Variants in ASS1 observed in about 807,000 individuals in gnomAD.
ASS1 encodes the protein argininosuccinate synthase 1.
A neutral mutation model predicts 60.5 loss-of-function variants in ASS1; 58 were observed. The observed-to-expected ratio is 0.96, with a 90% CI of 0.78 to 1.19. ASS1 has a LOEUF of 1.19. ASS1 is among the 50% of genes most tolerant of loss of function. ASS1 has a pLI of 0.00. For synonymous variants in ASS1, 200 were observed against 206.9 expected, an observed-to-expected ratio of 0.97 and a Z score of 0.29; for missense variants, 454 against 547.3, an observed-to-expected ratio of 0.83 and a Z score of 1.70.
At chr9:130,466,691 C>T in intron 5 of ASS1, 34 bp from the exon 6 acceptor site, 1 of 1,603,648 alleles carries the variant, frequency 6.2e-7, no homozygotes, top group South Asian at 1.1e-5. Context: ...CACAGCTCGG[C>T]CCTCCCGGCT....
chr9:130,472,382 G>A (rs893198455), intron 8 of ASS1, among the ~76,000 whole-genome samples: 1 of 152,140 alleles, frequency 6.6e-6, no homozygotes, highest in Non-Finnish European at 1.5e-5. Flanking sequence ...CCCGCGTGCC[G>A]CCCCCTGGTC....
At chr9:130,448,415 T>TGTGCGC (rs1337471756) in intron 1 of ASS1, among the ~76,000 whole-genome samples, 15 of 135,578 alleles carry the variant, frequency 1.1e-4, no homozygotes, top group Non-Finnish European at 1.8e-4. Context: ...CACAGGTGTG[T>TGTGCGC]GCGCGCGCAC....
chr9:130,494,942 T>C lies in ASS1; in HGVS notation c.1046T>C (p.Val349Ala). ...AKSQERVEGK[V>A]QVSVLKGQVY... Reference sequence around the variant, plus strand: ...TCCCAGGAGCGAGTGGAAGGGAAAGTGCAGGTGTCCGTCCTCAAGGGCCAG... The same window carrying C: ...TCCCAGGAGCGAGTGGAAGGGAAAGCGCAGGTGTCCGTCCTCAAGGGCCAG... Residue 349 changes from valine (V) to alanine (A), a missense_variant, in exon 13 of 15, where the codon GTG becomes GCG. Coordinates refer to ENST00000352480, the MANE Select transcript of ASS1 (RefSeq NM_054012.4). The surrounding 1 kb of genome is among the most constrained non-coding windows in gnomAD (Gnocchi z 4.3). The C allele has an allele frequency of 6.2e-7, 1 of 1,613,540 alleles. No homozygotes were observed. The highest frequency in any genetic ancestry group is 8.5e-7 in the Non-Finnish European group (1 of 1,179,958).
At chr9:130,492,978 G>T (rs1351713729) in intron 12 of ASS1, among the ~76,000 whole-genome samples, 1 of 152,182 alleles carries the variant, frequency 6.6e-6, no homozygotes, top group Non-Finnish European at 1.5e-5. Context: ...CAGGCCAGTT[G>T]CTCCCACAGA....
intron 11 of ASS1, among the ~76,000 whole-genome samples, chr9:130,486,233 G>A (rs988564140): frequency 1.3e-5 from 2 of 152,112 alleles, no homozygotes; most frequent in Admixed American, 6.5e-5. Flanking sequence ...CTAGGACCAC[G>A]GGCACATGCC....
intron 1 of ASS1, 185 bp from the exon 2 acceptor site, chr9:130,452,039 G>A (rs1220470666): frequency 1.4e-6 from 1 of 692,184 alleles, no homozygotes; most frequent in Non-Finnish European, 2.6e-6. Context: ...TGCAGAGTGT[G>A]CGAGGTCAGG....
At position 130,473,818 on chromosome 9, in the gene ASS1, A is replaced by G. The variant is rs368223764; in HGVS notation, c.597+2303A>G. On this transcript the variant is annotated intron_variant, in intron 8 of 14. Transcript: ENST00000352480. ...CTAATGCGAAGAAAGATAGAAATTTACTTGCTTTAACTTCATACGGTCCAC... is the reference window on the plus strand; with the variant it reads ...CTAATGCGAAGAAAGATAGAAATTTGCTTGCTTTAACTTCATACGGTCCAC... 7.9e-5 allele frequency among the ~76,000 whole-genome samples: 12 copies of G among 152,240 alleles called. 1 individual carries two copies. The South Asian group carries it at 2.3e-3, about 29-fold the overall frequency.
chr9:130,448,678 C>A (rs1446579317), intron 1 of ASS1, among the ~76,000 whole-genome samples: 5 of 152,180 alleles, frequency 3.3e-5, no homozygotes, highest in African/African-American at 1.2e-4. Context: ...ATTCTCGTGC[C>A]TCAGCCTCCC....
chr9:130,458,634 G>T, intron 4 of ASS1, 45 bp downstream of exon 4: 1 of 1,594,738 alleles, frequency 6.3e-7, no homozygotes, highest in Non-Finnish European at 8.5e-7. Flanking sequence ...TGGAGGCGGA[G>T]GGGTGTGGGA....
intron 11 of ASS1, among the ~76,000 whole-genome samples, chr9:130,484,405 A>G (rs1260486693): frequency 6.7e-6 from 1 of 149,778 alleles, no homozygotes; most frequent in Non-Finnish European, 1.5e-5. Flanking sequence ...CTCTCCCCCC[A>G]GCCACCCCTG....
intron 8 of ASS1, among the ~76,000 whole-genome samples, chr9:130,472,774 G>A (rs1019272529): frequency 1.3e-5 from 2 of 152,326 alleles, no homozygotes; most frequent in South Asian, 4.1e-4. Flanking sequence ...TCAGCTCCAA[G>A]GGAGGCAGGG....
In ASS1 at chr9:130,499,329, G is replaced by A. The variant is rs541427237; in HGVS notation, c.1128-176G>A. Among the ~76,000 whole-genome samples, 14 of 152,358 alleles carry A rather than the reference G, an allele frequency of 9.2e-5. No homozygotes were observed. The East Asian group carries it at 2.7e-3, about 29-fold the overall frequency. On this transcript the variant is annotated intron_variant, in intron 13 of 14. Transcript: ENST00000352480. Reference sequence around the variant, plus strand: ...TGGGTGGGTGCCTGGCCCAGAACAGGGTTCCCTGAGTTGTACAGAAATTCA... The same window carrying A: ...TGGGTGGGTGCCTGGCCCAGAACAGAGTTCCCTGAGTTGTACAGAAATTCA...
chr9:130,497,488 T>TAA (rs56795102), intron 13 of ASS1, among the ~76,000 whole-genome samples: 15 of 142,766 alleles, frequency 1.1e-4, no homozygotes, highest in African/African-American at 4.0e-4. Context: ...TCAGGGGAGG[T>TAA]AAAAAAAAAA....
chr9:130,476,973 C>T lies in ASS1; in HGVS notation c.688+12C>T, dbSNP rs766889872. The stretch of plus-strand genomic sequence containing the variant: ...CGAGTTCAAAAAAGGTATGTGCCCA[C>T]CTGTTGGGACTCGAAGGGGGTTGAC... On this transcript the variant is annotated intron_variant, in intron 9 of 14. Transcript: ENST00000352480. This position sits in a 1 kb window ranked among gnomAD's most constrained non-coding sequence, Gnocchi z 4.9. 6.2e-7 allele frequency: 1 copy of T among 1,611,380 alleles called. No individual in the cohort carries two copies. Among genetic ancestry groups the T allele is most frequent in the Non-Finnish European group, 8.5e-7 (1 of 1,177,718 alleles).
chr9:130,499,492 A>T lies in ASS1; in HGVS notation c.1128-13A>T, dbSNP rs1324891318. On this transcript the variant is annotated splice_polypyrimidine_tract_variant and intron_variant, in intron 13 of 14. Transcript: ENST00000352480. ...GGCCAGGCTGAGCTGACAAGCTTCT[A>T]CTCTCCTTGCAGCATGAACGTGCAG... The T allele has an allele frequency of 6.2e-7, 1 of 1,612,792 alleles. No homozygotes were observed. Among genetic ancestry groups the T allele is most frequent in the African/African-American group, 1.3e-5 (1 of 74,968 alleles).
rs1159698086 is a variant in ASS1 at position 130,489,626 on chromosome 9, G to A, written c.970+162G>A. 1.3e-5 allele frequency among the ~76,000 whole-genome samples: 2 copies of A among 152,202 alleles called. No individual in the cohort carries two copies. Among genetic ancestry groups the A allele is most frequent in the South Asian group, 2.1e-4 (1 of 4,834 alleles). ...CCCCAAAAGGTGCAGGCCAAAGGGG[G>A]TTGAGGGAAAGTGCAGGGCATGAGG... On this transcript the variant is annotated intron_variant, in intron 12 of 14. Transcript: ENST00000352480. This position sits in a 1 kb window ranked among gnomAD's most constrained non-coding sequence, Gnocchi z 4.1.
chr9:130,451,848 C>G (rs1383830621), intron 1 of ASS1: 2 of 473,420 alleles, frequency 4.2e-6, no homozygotes, highest in African/African-American at 3.9e-5. Context: ...GGCTCAGAGC[C>G]AAGGCCCCTC....
intron 8 of ASS1, among the ~76,000 whole-genome samples, chr9:130,475,601 C>T (rs1253254096): frequency 2.6e-5 from 4 of 152,212 alleles, no homozygotes; most frequent in East Asian, 1.9e-4. Flanking sequence ...ACAGAACTCA[C>T]AGTTGTAGCT....
Position 130,491,239 on chromosome 9 carries a change from G to T in ASS1, c.970+1775G>T, listed in dbSNP as rs935281541. The stretch of plus-strand genomic sequence containing the variant: ...TTGTCTCCTGCAGGCTTTCCAGCCC[G>T]GCGGGATTGCGACCCCGAAAGGAGG... On this transcript the variant is annotated intron_variant, in intron 12 of 14. Coordinates refer to ENST00000352480, the MANE Select transcript of ASS1 (RefSeq NM_054012.4). This position sits in a 1 kb window ranked among gnomAD's most constrained non-coding sequence, Gnocchi z 5.3. Among the ~76,000 whole-genome samples, 8 of 152,142 alleles carry T rather than the reference G, an allele frequency of 5.3e-5. No individual in the cohort carries two copies. Among genetic ancestry groups the T allele is most frequent in the Non-Finnish European group, 1.2e-4 (8 of 68,026 alleles).
Sources: gnomAD v4.1 joint callset for allele counts (sites outside exome capture counted in the v4.1 genomes callset) on GRCh38, gnomAD v4.1.1 for gene constraint, Gnocchi (gnomAD v3.1) non-coding constraint, MANE v1.5 for transcripts, NCBI Gene and HGNC (gene_info 2026-07-23, HGNC 2026-07-21) for gene names.